Variants in CERS6 observed in about 807,000 individuals in gnomAD.
CERS6 encodes LAG1 homolog, ceramide synthase 6.
Under a neutral mutation model 56.8 loss-of-function variants are expected in CERS6, and 26 were observed. The ratio of observed to expected loss-of-function variants is 0.46; its 90% CI spans 0.34 to 0.63. The LOEUF (loss-of-function observed/expected upper bound fraction) is 0.63, where lower values mean the gene tolerates loss of function less well. Among genes scored for constraint, CERS6 ranks in the 30% least tolerant of loss-of-function variants. The probability of loss-of-function intolerance (pLI) is 0.01; values close to 1 mark genes in which losing one functional copy is unlikely to be tolerated. For missense variants in CERS6, 415 were observed against 467.5 expected, an observed-to-expected ratio of 0.89 and a Z score of 1.04; for synonymous variants, 164 against 173.3, an observed-to-expected ratio of 0.95 and a Z score of 0.42.
intron 1 of CERS6, among the ~76,000 whole-genome samples, chr2:168,475,804 G>A (rs1169594267): frequency 6.6e-6 from 1 of 152,078 alleles, no homozygotes; most frequent in Non-Finnish European, 1.5e-5. Context: ...CAAGATTATT[G>A]GCTCCTGCCC....
intron 1 of CERS6, among the ~76,000 whole-genome samples, chr2:168,501,873 A>G (rs926034620): frequency 1.3e-5 from 2 of 152,192 alleles, no homozygotes; most frequent in Non-Finnish European, 2.9e-5. Context: ...CCTAGGTAGT[A>G]TTTTGGCCGC....
At chr2:168,476,664 G>T (rs1459693384) in intron 1 of CERS6, among the ~76,000 whole-genome samples, 2 of 152,110 alleles carry the variant, frequency 1.3e-5, no homozygotes, top group African/African-American at 2.4e-5. Flanking sequence ...GACTGCTTTT[G>T]TAAGTCCTGG....
chr2:168,524,250 C>T (rs76990161), intron 1 of CERS6, among the ~76,000 whole-genome samples: 2,408 of 152,298 alleles, frequency 0.016, 68 homozygotes, highest in African/African-American at 0.055. Context: ...GTTTAATGAA[C>T]TGTGGTAGGC....
intron 1 of CERS6, among the ~76,000 whole-genome samples, chr2:168,528,311 A>G (rs1695105621): frequency 1.3e-5 from 2 of 152,010 alleles, no homozygotes; most frequent in South Asian, 4.2e-4. Flanking sequence ...TTCCCCAGCA[A>G]TCTCTTAAAG....
rs1051873622 is a variant in CERS6, at chr2:168,662,663, C to T, written c.466-28371C>T. Among the ~76,000 whole-genome samples, 7 of 152,242 alleles carry T rather than the reference C, an allele frequency of 4.6e-5. No homozygotes were observed. The East Asian group carries it at 5.8e-4, about 13-fold the overall frequency. Reference sequence around the variant, plus strand: ...AGGAGAATCGCTTGAACCCGGGAGGCGGAGGTTGCAGTGAGTTAAGATCAC... The same window carrying T: ...AGGAGAATCGCTTGAACCCGGGAGGTGGAGGTTGCAGTGAGTTAAGATCAC... On this transcript the variant is annotated intron_variant, in intron 4 of 9. Transcript: ENST00000305747.
At chr2:168,506,627 G>A (rs942085939) in intron 1 of CERS6, among the ~76,000 whole-genome samples, 5 of 152,144 alleles carry the variant, frequency 3.3e-5, no homozygotes, top group Non-Finnish European at 5.9e-5. Context: ...AGACTGAGGA[G>A]TTTTAGACTT....
intron 3 of CERS6, among the ~76,000 whole-genome samples, chr2:168,595,334 T>G (rs189852263): frequency 6.6e-6 from 1 of 152,350 alleles, no homozygotes; most frequent in East Asian, 1.9e-4. Context: ...GAAGAAAGTA[T>G]TATTTATTGT....
At chr2:168,725,033 G>C (rs892263301) in intron 8 of CERS6, among the ~76,000 whole-genome samples, 1 of 152,234 alleles carries the variant, frequency 6.6e-6, no homozygotes, top group Non-Finnish European at 1.5e-5. Flanking sequence ...CAGGTCCCAA[G>C]CCCTGCCCCA....
intron 3 of CERS6, among the ~76,000 whole-genome samples, chr2:168,625,472 C>G (rs1028296299): frequency 6.6e-6 from 1 of 152,178 alleles, no homozygotes; most frequent in African/African-American, 2.4e-5. Flanking sequence ...ATCACTCGTA[C>G]TCCTAATAAA....
At chr2:168,606,350 T>G (rs1022484602) in intron 3 of CERS6, 2 of 152,270 alleles carry the variant, frequency 1.3e-5, no homozygotes, top group African/African-American at 4.8e-5. Context: ...ACCACCATTG[T>G]ATCTTGGAAG....
chr2:168,597,075 C>A (rs1683818809), intron 3 of CERS6, among the ~76,000 whole-genome samples: 1 of 152,162 alleles, frequency 6.6e-6, no homozygotes. Flanking sequence ...CTCACTTTCA[C>A]ACTGCTATGA....
At chr2:168,493,987 GTC>G (rs538195054) in intron 1 of CERS6, among the ~76,000 whole-genome samples, 224 of 152,134 alleles carry the variant, frequency 1.5e-3, no homozygotes, top group African/African-American at 5.1e-3. Context: ...TTCTGCCTCT[GTC>G]TTTCACCTCT....
Position 168,531,682 on chromosome 2 carries a change from G to A in CERS6, c.171-15914G>A, listed in dbSNP as rs773460152. 4.6e-5 allele frequency among the ~76,000 whole-genome samples: 7 copies of A among 152,084 alleles called. No individual in the cohort carries two copies. In the South Asian group the frequency reaches 1.0e-3, roughly 23 times the overall value. On this transcript the variant is annotated intron_variant, in intron 1 of 9. Transcript: ENST00000305747. ...ACTAAAAATACAAAATTAGCCAGGC[G>A]TGGTGGCAGGTGCCTATACTTCCAG...
Position 168,542,831 on chromosome 2 carries a change from G to T in CERS6, c.171-4765G>T, listed in dbSNP as rs374068329. On this transcript the variant is annotated intron_variant, in intron 1 of 9. Coordinates refer to ENST00000305747, the MANE Select transcript of CERS6 (RefSeq NM_203463.3). ...CCTGCCTCAGCTTCCAGAGTAGCTG[G>T]GATTACAGGCGTGCACCACCACACC... 5.3e-5 allele frequency among the ~76,000 whole-genome samples: 8 copies of T among 152,208 alleles called. No homozygotes were observed. The South Asian group carries it at 8.3e-4, about 16-fold the overall frequency.
intron 1 of CERS6, among the ~76,000 whole-genome samples, chr2:168,487,315 A>G (rs1694292582): frequency 6.6e-6 from 1 of 152,110 alleles, no homozygotes; most frequent in African/African-American, 2.4e-5. Context: ...ATGAATTTCC[A>G]TTGTAGAATT....
chr2:168,614,451 G>C (rs1684267213), intron 3 of CERS6, among the ~76,000 whole-genome samples: 3 of 152,212 alleles, frequency 2.0e-5, no homozygotes, highest in Non-Finnish European at 4.4e-5. Context: ...GGCTTTCACA[G>C]CTGGGAGGCT....
intron 6 of CERS6, 95 bp downstream of exon 6, chr2:168,695,146 C>T (rs1574166945): frequency 4.6e-6 from 4 of 877,200 alleles, no homozygotes; most frequent in East Asian, 2.5e-5. Flanking sequence ...CACCCCTGTT[C>T]TCCTGGCAGC....
chr2:168,766,539 A>C (rs1574231456), intron 9 of CERS6, among the ~76,000 whole-genome samples: 1 of 152,326 alleles, frequency 6.6e-6, no homozygotes, highest in East Asian at 1.9e-4. Context: ...CTTTGGTGTG[A>C]GCTTGTATTC....
intron 1 of CERS6, among the ~76,000 whole-genome samples, chr2:168,532,759 A>C (rs1295507021): frequency 6.6e-6 from 1 of 152,248 alleles, no homozygotes; most frequent in Non-Finnish European, 1.5e-5. Context: ...TGAAAAATAC[A>C]GAAAAACATT....
Sources: allele counts gnomAD v4.1 joint callset (sites outside exome capture counted in the v4.1 genomes callset), GRCh38; gene constraint gnomAD v4.1.1; transcripts MANE v1.5; gene names NCBI Gene and HGNC (gene_info 2026-07-23, HGNC 2026-07-21).